ZNF721: variants seen among roughly 807,000 people sequenced by gnomAD.
ZNF721 encodes the protein zinc finger protein 721.
In ZNF721, 2 loss-of-function variants were observed where a neutral mutation model predicts 2.4. That is an observed-to-expected ratio of 0.82 (90% CI 0.34 to 2.58). ZNF721 has a LOEUF of 2.58. ZNF721 is among the 30% of genes most tolerant of loss of function. The pLI is 0.11. For synonymous variants in ZNF721, 398 were observed against 381.8 expected (o/e 1.04, Z -0.50); for missense variants, 1,187 against 1,085.5 (o/e 1.09, Z -1.31).
chr4:469,869 C>T (rs1362353875), intron 2 of ZNF721, among the ~76,000 whole-genome samples: 1 of 152,116 alleles, frequency 6.6e-6, no homozygotes, highest in African/African-American at 2.4e-5. Context: ...TGGAGAGCCA[C>T]AAACAAAAGA....
chr4:463,229 T>G (rs1279207215), intron 2 of ZNF721, among the ~76,000 whole-genome samples: 1 of 151,524 alleles, frequency 6.6e-6, no homozygotes, highest in East Asian at 1.9e-4. Flanking sequence ...CCAGTTAGAA[T>G]GGCAATCATT....
intron 2 of ZNF721, among the ~76,000 whole-genome samples, chr4:455,107 G>GT (rs1373264112): frequency 2.6e-5 from 4 of 152,146 alleles, no homozygotes; most frequent in Admixed American, 1.3e-4. Flanking sequence ...GTAAATATAT[G>GT]TATCTCTTTT....
chr4:449,169 A>G (rs781906875), intron 2 of ZNF721, among the ~76,000 whole-genome samples: 1 of 152,188 alleles, frequency 6.6e-6, no homozygotes, highest in Non-Finnish European at 1.5e-5. Context: ...CGTTAATATG[A>G]CTAAGCTGAA....
At chr4:491,356 T>A (rs1439088709) in intron 1 of ZNF721, among the ~76,000 whole-genome samples, 3 of 152,162 alleles carry the variant, frequency 2.0e-5, no homozygotes, top group African/African-American at 7.2e-5. Context: ...AGGCGGAGGT[T>A]GCAGTGAGCC....
chr4:441,673 C>T lies in ZNF721; in HGVS notation c.*22G>A. ...TATGTTTAAGAATGCTGTAGTATGA[C>T]TTAAAGGCTTTGCCACATTCTTTAC... On this transcript the variant is annotated 3_prime_UTR_variant, in exon 3 of 3. Coordinates refer to ENST00000511833, the MANE Select transcript of ZNF721 (RefSeq NM_133474.4). 1 of 1,569,634 alleles carries T rather than the reference C, an allele frequency of 6.4e-7. No homozygotes were observed. The highest frequency in any genetic ancestry group is 8.7e-7 in the Non-Finnish European group (1 of 1,154,370).
At chr4:486,071 C>T (rs1176191858) in intron 1 of ZNF721, among the ~76,000 whole-genome samples, 1 of 152,026 alleles carries the variant, frequency 6.6e-6, no homozygotes, top group Non-Finnish European at 1.5e-5. Context: ...CCCACATGCA[C>T]AGCAGGCTAT....
intron 2 of ZNF721, among the ~76,000 whole-genome samples, chr4:464,805 C>T (rs577836512): frequency 5.9e-5 from 9 of 151,458 alleles, no homozygotes; most frequent in Admixed American, 2.0e-4. Flanking sequence ...TGGGGCTGGG[C>T]GCGGTGGCTC....
chr4:486,159 TC>T (rs143407019), intron 1 of ZNF721, among the ~76,000 whole-genome samples: 75,841 of 143,870 alleles, frequency 0.53, 22,247 homozygotes, highest in East Asian at 0.7. Context: ...CTTTTTTTTT[TC>T]TTTTCTTTTT....
chr4:461,487 C>A (rs782379614), intron 2 of ZNF721, among the ~76,000 whole-genome samples: 2 of 152,068 alleles, frequency 1.3e-5, no homozygotes, highest in Non-Finnish European at 2.9e-5. Context: ...ACAAACACAG[C>A]CAATATTATA....
intron 2 of ZNF721, among the ~76,000 whole-genome samples, chr4:459,458 AGC>A (rs1553865776): frequency 2.0e-5 from 3 of 152,094 alleles, no homozygotes; most frequent in Non-Finnish European, 4.4e-5. Context: ...ATATTTACCA[AGC>A]AAATGGAAAG....
intron 1 of ZNF721, among the ~76,000 whole-genome samples, chr4:477,902 A>G (rs1157178621): frequency 1.3e-5 from 2 of 152,204 alleles, no homozygotes; most frequent in Non-Finnish European, 2.9e-5. Context: ...ACAGGAACCC[A>G]TGCATGTATG....
At chr4:498,979 C>T (rs1468881357) in intron 1 of ZNF721, 77 bp downstream of exon 1, 6 of 253,956 alleles carry the variant, frequency 2.4e-5, no homozygotes, top group Non-Finnish European at 4.6e-5. Context: ...CCGCCTCGGC[C>T]TCCCAAAGTA....
At chr4:482,124 G>A (rs550414474) in intron 1 of ZNF721, among the ~76,000 whole-genome samples, 102 of 152,286 alleles carry the variant, frequency 6.7e-4, no homozygotes, top group Admixed American at 2.9e-3. Context: ...CCCACAGGTC[G>A]CATATTGCAC....
chr4:475,438 T>G (rs1468845298), intron 1 of ZNF721, among the ~76,000 whole-genome samples: 2 of 152,150 alleles, frequency 1.3e-5, no homozygotes, highest in Non-Finnish European at 2.9e-5. Context: ...GATCTCTCTC[T>G]CTAATACTCA....
At chr4:446,239 T>C (rs1245349518) in intron 2 of ZNF721, among the ~76,000 whole-genome samples, 2 of 152,190 alleles carry the variant, frequency 1.3e-5, no homozygotes, top group African/African-American at 4.8e-5. Flanking sequence ...CGGAAAACAT[T>C]TTAATTATTC....
At chr4:464,596 TA>T (rs1340977595) in intron 2 of ZNF721, among the ~76,000 whole-genome samples, 3 of 152,106 alleles carry the variant, frequency 2.0e-5, no homozygotes, top group African/African-American at 7.2e-5. Context: ...TAAAAAGATG[TA>T]AAGTGTGACA....
intron 1 of ZNF721, among the ~76,000 whole-genome samples, chr4:496,707 CTTTTTTTTTTTTTT>C (rs781947891): frequency 2.7e-4 from 23 of 83,884 alleles, no homozygotes; most frequent in African/African-American, 9.8e-4. Flanking sequence ...TACATGACTT[CTTTTTTTTTTTTTT>C]TTTTTTTTTT....
intron 2 of ZNF721, among the ~76,000 whole-genome samples, chr4:445,501 G>A (rs1714443484): frequency 1.3e-5 from 2 of 151,980 alleles, no homozygotes; most frequent in South Asian, 4.1e-4. Context: ...ATATTACAAT[G>A]TATACAAAAT....
intron 2 of ZNF721, chr4:453,439 CTG>C (rs1275660174): frequency 6.6e-6 from 1 of 152,236 alleles, no homozygotes; most frequent in Non-Finnish European, 1.5e-5. Flanking sequence ...TCATGCATCT[CTG>C]TTTTCTCTTG....
Sources: allele counts gnomAD v4.1 joint callset (sites outside exome capture counted in the v4.1 genomes callset), GRCh38; gene constraint gnomAD v4.1.1; transcripts MANE v1.5; gene names NCBI Gene and HGNC (gene_info 2026-07-23, HGNC 2026-07-21).